RYR3: variants seen among roughly 807,000 people sequenced by gnomAD.
The protein encoded by RYR3 is ryanodine receptor 3.
RYR3 carries 207 observed loss-of-function variants against 584.3 expected under a neutral mutation model. The ratio of observed to expected loss-of-function variants is 0.35; its 90% CI spans 0.32 to 0.40. The LOEUF is 0.40. RYR3 is among the 10% of genes least tolerant of loss of function. The pLI is 1.00. For synonymous variants in RYR3, 2,416 were observed against 2,248.5 expected, an observed-to-expected ratio of 1.07 and a Z score of -2.11; for missense variants, 5,616 against 6,089.2, an observed-to-expected ratio of 0.92 and a Z score of 2.59.
rs542705188 is a variant in RYR3, at chr15:33,634,699, C to T, written c.3141C>T (p.Tyr1047=). The part of the protein sequence containing the change: ...LREAVRTFVG[Y]GYNIEPSDQE... ...AAGCTGTGCGCACTTTTGTTGGTTACGGGTATAACATTGAGCCATCAGACC... is the reference window on the plus strand; with the variant it reads ...AAGCTGTGCGCACTTTTGTTGGTTATGGGTATAACATTGAGCCATCAGACC... The change falls in exon 25 of 104, where the codon TAC becomes TAT. Residue 1047 remains tyrosine, a synonymous_variant. Coordinates refer to ENST00000634891, the MANE Select transcript of RYR3 (RefSeq NM_001036.6). The T allele has an allele frequency of 7.4e-6, 12 of 1,613,890 alleles. No individual in the cohort carries two copies. Among genetic ancestry groups the T allele is most frequent in the East Asian group, 2.2e-5 (1 of 44,878 alleles).
At chr15:33,673,838 T>C (rs548407133) in intron 38 of RYR3, among the ~76,000 whole-genome samples, 1 of 152,352 alleles carries the variant, frequency 6.6e-6, no homozygotes, top group African/African-American at 2.4e-5. Flanking sequence ...TTAGAGGTCT[T>C]GAGATGACCC....
At chr15:33,372,210 G>C (rs1177372551) in intron 1 of RYR3, among the ~76,000 whole-genome samples, 2 of 152,142 alleles carry the variant, frequency 1.3e-5, no homozygotes, top group Non-Finnish European at 2.9e-5. Flanking sequence ...AAAGCATTTT[G>C]AGACAGGGCC....
At chr15:33,597,454 A>C (rs2059429674) in intron 16 of RYR3, among the ~76,000 whole-genome samples, 1 of 152,096 alleles carries the variant, frequency 6.6e-6, no homozygotes, top group Non-Finnish European at 1.5e-5. Context: ...GTCTCTACTA[A>C]AAATACAAAA....
At chr15:33,697,422 G>A (rs2065926834) in intron 39 of RYR3, among the ~76,000 whole-genome samples, 1 of 152,180 alleles carries the variant, frequency 6.6e-6, no homozygotes, top group Non-Finnish European at 1.5e-5. Flanking sequence ...CAGCCAGAAA[G>A]TAACCACCCA....
chr15:33,798,100 T>TTTATTTA (rs554762342), intron 67 of RYR3, among the ~76,000 whole-genome samples: 35 of 133,162 alleles, frequency 2.6e-4, no homozygotes, highest in African/African-American at 8.6e-4. Context: ...TTATTTATTT[T>TTTATTTA]TTTTGAGATG....
chr15:33,646,235 A>G lies in RYR3; in HGVS notation c.3766-116A>G, dbSNP rs192089494. On this transcript the variant is annotated intron_variant, in intron 28 of 103. Transcript: ENST00000634891. ...CATAGTTTGGTTATCACTGGACACA[A>G]CTTACTTCTGTAGTTCACAGAATGC... 8.4e-4 allele frequency: 716 copies of G among 856,822 alleles called. 7 individuals are homozygous for G. The Admixed American group carries it at 0.016, about 19-fold the overall frequency. The allele number at this position is 856,822 out of a possible 1,614,324, so 53.1% of individuals were successfully genotyped here.
At chr15:33,858,372 T>C (rs1308186302) in intron 99 of RYR3, among the ~76,000 whole-genome samples, 1 of 151,966 alleles carries the variant, frequency 6.6e-6, no homozygotes, top group Admixed American at 6.6e-5. Flanking sequence ...ACCTGGCTAA[T>C]TTTGTATTTT....
intron 12 of RYR3, among the ~76,000 whole-genome samples, chr15:33,574,086 A>G (rs1361294939): frequency 6.6e-6 from 1 of 152,182 alleles, no homozygotes; most frequent in Non-Finnish European, 1.5e-5. Flanking sequence ...ATATGGAAGC[A>G]TAAGAGGCTT....
At chr15:33,664,331 G>A (rs983387005) in intron 36 of RYR3, among the ~76,000 whole-genome samples, 4 of 151,870 alleles carry the variant, frequency 2.6e-5, no homozygotes, top group Admixed American at 2.0e-4. Context: ...TTACCCCGAT[G>A]GGAAGGGCTT....
intron 1 of RYR3, among the ~76,000 whole-genome samples, chr15:33,436,185 G>A (rs1039453450): frequency 6.6e-6 from 1 of 152,130 alleles, no homozygotes; most frequent in African/African-American, 2.4e-5. Flanking sequence ...GCCACCATAA[G>A]TATATGAACC....
At chr15:33,631,905 T>C (rs1376773511) in intron 23 of RYR3, among the ~76,000 whole-genome samples, 1 of 152,260 alleles carries the variant, frequency 6.6e-6, no homozygotes. Flanking sequence ...GTGCCAGCTT[T>C]AATCAAACGT....
intron 2 of RYR3, among the ~76,000 whole-genome samples, chr15:33,479,605 T>A (rs1160269897): frequency 2.0e-5 from 3 of 152,152 alleles, no homozygotes; most frequent in African/African-American, 7.2e-5. Flanking sequence ...TGTCCTCATT[T>A]ACAGAGAAGA....
At chr15:33,725,808 A>AAT (rs1162166210) in intron 45 of RYR3, among the ~76,000 whole-genome samples, 1 of 149,862 alleles carries the variant, frequency 6.7e-6, no homozygotes, top group Non-Finnish European at 1.5e-5. Flanking sequence ...AAAAAAAAAA[A>AAT]AAATACAAAA....
intron 69 of RYR3, among the ~76,000 whole-genome samples, chr15:33,805,469 C>CTTTT (rs61113827): frequency 7.2e-6 from 1 of 138,294 alleles, no homozygotes; most frequent in Non-Finnish European, 1.5e-5. Context: ...TTTTCTCTCT[C>CTTTT]TTTTTTTTTT....
At chr15:33,631,175 G>A (rs1162587878) in intron 22 of RYR3, 35 bp from the exon 23 acceptor site, 8 of 1,360,500 alleles carry the variant, frequency 5.9e-6, no homozygotes, top group Non-Finnish European at 2.0e-6. Context: ...TAACACTGCA[G>A]TTAACCTTAG....
intron 65 of RYR3, 138 bp downstream of exon 65, chr15:33,780,479 G>A: frequency 1.3e-6 from 1 of 796,738 alleles, no homozygotes; most frequent in Non-Finnish European, 2.0e-6. Context: ...TTAGGGACTA[G>A]GTTGCAGGTC....
chr15:33,851,950 G>C (rs936459621), intron 94 of RYR3: 1 of 151,272 alleles, frequency 6.6e-6, no homozygotes, highest in Admixed American at 6.6e-5. Context: ...ACCAGCATTT[G>C]TTTTTGCTTT....
In RYR3 at chr15:33,816,924, A is replaced by G. The variant is rs1191689711; in HGVS notation, c.10565A>G (p.Tyr3522Cys). 1.2e-6 allele frequency: 2 copies of G among 1,611,502 alleles called. No individual in the cohort carries two copies. The highest frequency in any genetic ancestry group is 2.7e-5 in the African/African-American group (2 of 74,914). The change falls in exon 75 of 104, where the codon TAT (tyrosine) becomes TGT (cysteine). Residue 3522 changes from tyrosine to cysteine, a missense_variant. Coordinates refer to ENST00000634891, the MANE Select transcript of RYR3 (RefSeq NM_001036.6). ...AGATTTTGGATAGAAACAGAGGAGTATTCCTTTGAAGAGAAACTAGTACAG... is the reference window on the plus strand; with the variant it reads ...AGATTTTGGATAGAAACAGAGGAGTGTTCCTTTGAAGAGAAACTAGTACAG... The part of the protein sequence containing the change: ...YQRFWIETEE[Y>C]SFEEKLVQDL...
At chr15:33,393,191 G>A (rs899891292) in intron 1 of RYR3, among the ~76,000 whole-genome samples, 2 of 152,258 alleles carry the variant, frequency 1.3e-5, no homozygotes, top group African/African-American at 2.4e-5. Flanking sequence ...CAAGGCAGAT[G>A]TGAACAGGTA....
Sources: gnomAD v4.1 joint callset for allele counts (sites outside exome capture counted in the v4.1 genomes callset) on GRCh38, gnomAD v4.1.1 for gene constraint, MANE v1.5 for transcripts, NCBI Gene and HGNC (gene_info 2026-07-23, HGNC 2026-07-21) for gene names.